Variants in SCAF8 observed in about 807,000 individuals in gnomAD.
SCAF8 encodes the protein SR-related CTD associated factor 8.
In SCAF8, 23 loss-of-function variants were observed where a neutral mutation model predicts 140.5. The ratio of observed to expected loss-of-function variants is 0.16; its 90% confidence interval spans 0.12 to 0.23. The LOEUF is 0.23. Ranked by LOEUF, SCAF8 falls within the 10% of genes least tolerant of loss-of-function variation. SCAF8 has a pLI of 1.00. For missense variants in SCAF8, 1,397 were observed against 1,555.7 expected (o/e 0.90, Z 1.72); for synonymous variants, 575 against 528.9 (o/e 1.09, Z -1.20).
chr6:154,802,164 CG>C lies in SCAF8; in HGVS notation c.783+19del. On this transcript the variant is annotated intron_variant, in intron 7 of 19. Transcript: ENST00000367178. ...TTTAACAAGGTAGAAATTAAAATAT[CG>C]GATCAAGTCTATATGAATTATTAAA... is the stretch of plus-strand genomic sequence containing the variant. 1 of 1,500,228 alleles carries C rather than the reference CG, an allele frequency of 6.7e-7. No individual in the cohort carries two copies. The highest frequency in any genetic ancestry group is 9.0e-7 in the Non-Finnish European group (1 of 1,106,424). The allele number at this position is 1,500,228 out of a possible 1,614,324, so 92.9% of individuals were successfully genotyped here. A position where few individuals can be genotyped will look rare whatever the true frequency, so the allele number is the denominator to read the frequency against.
At chr6:154,831,461 A>G (rs900929571) in intron 19 of SCAF8, among the ~76,000 whole-genome samples, 46 of 152,080 alleles carry the variant, frequency 3.0e-4, no homozygotes, top group African/African-American at 1.1e-3. Context: ...AAAATGAACA[A>G]GTATTGGGTG....
chr6:154,750,095 A>C (rs1778801873), intron 1 of SCAF8, among the ~76,000 whole-genome samples: 2 of 146,390 alleles, frequency 1.4e-5, no homozygotes, highest in African/African-American at 5.0e-5. Flanking sequence ...AAGAAGATTG[A>C]GGAGAATGAT....
chr6:154,754,151 A>G (rs889499928), intron 1 of SCAF8, among the ~76,000 whole-genome samples: 2 of 152,228 alleles, frequency 1.3e-5, no homozygotes, highest in Non-Finnish European at 2.9e-5. Context: ...CTTAAGCCCT[A>G]TTGAAGACTT....
At chr6:154,760,501 T>C (rs773092148) in intron 1 of SCAF8, among the ~76,000 whole-genome samples, 3 of 152,130 alleles carry the variant, frequency 2.0e-5, no homozygotes, top group Non-Finnish European at 4.4e-5. Context: ...GTTCTAGATT[T>C]GAAATTCTGA....
At chr6:154,742,527 T>C (rs1355259106) in intron 1 of SCAF8, among the ~76,000 whole-genome samples, 1 of 152,230 alleles carries the variant, frequency 6.6e-6, no homozygotes, top group Non-Finnish European at 1.5e-5. Flanking sequence ...TTCTATAGTT[T>C]GTGATTTCGT....
At chr6:154,770,228 C>G (rs1353991668) in intron 1 of SCAF8, among the ~76,000 whole-genome samples, 1 of 151,902 alleles carries the variant, frequency 6.6e-6, no homozygotes, top group Non-Finnish European at 1.5e-5. Flanking sequence ...CCGAGGCGGG[C>G]AGATGACTTG....
intron 6 of SCAF8, among the ~76,000 whole-genome samples, chr6:154,799,170 G>T (rs1324600487): frequency 6.6e-6 from 1 of 150,710 alleles, no homozygotes; most frequent in Admixed American, 6.6e-5. Flanking sequence ...TAGATACGGG[G>T]TTTCACCTTG....
intron 7 of SCAF8, 28 bp from the exon 8 acceptor site, chr6:154,803,514 AAT>A (rs1562454340): frequency 6.6e-7 from 1 of 1,520,862 alleles, no homozygotes; most frequent in Non-Finnish European, 9.1e-7. Flanking sequence ...AGCACTTTTT[AAT>A]ATGTCTGTTT....
intron 8 of SCAF8, 150 bp from the exon 9 acceptor site, chr6:154,805,219 A>T: frequency 1.8e-6 from 1 of 542,982 alleles, no homozygotes; most frequent in Non-Finnish European, 3.3e-6. Context: ...GTTCTCAAGT[A>T]TTCTACTTTA....
chr6:154,819,880 T>C (rs1778362109), intron 14 of SCAF8, among the ~76,000 whole-genome samples: 2 of 152,002 alleles, frequency 1.3e-5, no homozygotes, highest in South Asian at 2.1e-4. Flanking sequence ...TCCCAGCTGC[T>C]GCAGGGCTAA....
At chr6:154,820,680 C>CT (rs1190127532) in intron 15 of SCAF8, among the ~76,000 whole-genome samples, 1 of 152,004 alleles carries the variant, frequency 6.6e-6, no homozygotes, top group East Asian at 1.9e-4. Context: ...TTTTGAAACA[C>CT]TTTGCAGATT....
At chr6:154,787,378 G>GA (rs1035165335) in intron 3 of SCAF8, among the ~76,000 whole-genome samples, 8 of 151,982 alleles carry the variant, frequency 5.3e-5, no homozygotes, top group East Asian at 1.9e-4. Flanking sequence ...TTATATTTGA[G>GA]AAAAAAAATG....
chr6:154,796,211 G>T (rs1015465345), intron 6 of SCAF8, among the ~76,000 whole-genome samples: 5 of 152,060 alleles, frequency 3.3e-5, no homozygotes, highest in Non-Finnish European at 7.4e-5. Flanking sequence ...TTCGAGATAT[G>T]TATTTTTTAT....
intron 1 of SCAF8, among the ~76,000 whole-genome samples, chr6:154,768,595 CTATGTATGT>C (rs1218135996): frequency 6.6e-6 from 1 of 152,122 alleles, no homozygotes; most frequent in East Asian, 1.9e-4. Flanking sequence ...GTGAATGGCG[CTATGTATGT>C]TTGTAAATGA....
rs764514501 is a variant in SCAF8, at chr6:154,808,129, A to G, written c.1041A>G (p.Ser347=). ...GGTCAGAGCATTCAGCGTCACCATCACAAGGGAGTAGTCAGCAGCATTTTC... is the reference window on the plus strand; with the variant it reads ...GGTCAGAGCATTCAGCGTCACCATCGCAAGGGAGTAGTCAGCAGCATTTTC... ...TFGSEHSASP[S]QGSSQQHFLE... is the part of the protein sequence containing the mutation. The change falls in exon 10 of 20, where the codon TCA becomes TCG. Residue 347 remains serine (S), a synonymous_variant. Coordinates refer to ENST00000367178, the MANE Select transcript of SCAF8 (RefSeq NM_014892.5). 9 of 1,613,866 alleles carry G rather than the reference A, an allele frequency of 5.6e-6. No individual in the cohort carries two copies. The Admixed American group carries it at 8.3e-5, about 15-fold the overall frequency.
Position 154,832,561 on chromosome 6 carries a change from T to C in SCAF8, c.2982T>C (p.Val994=). The change falls in exon 20 of 20, where the codon GTT becomes GTC. Residue 994 remains valine, a synonymous_variant. Transcript: ENST00000367178. ...LAPGRQSVDN[V]TNPEKRIPLG... The stretch of plus-strand genomic sequence containing the variant: ...CTGGAAGACAAAGCGTAGACAATGT[T>C]ACTAACCCAGAAAAAAGGATACCAC... 6.2e-7 allele frequency: 1 copy of C among 1,614,130 alleles called. No homozygotes were observed. Among genetic ancestry groups the C allele is most frequent in the Non-Finnish European group, 8.5e-7 (1 of 1,180,006 alleles).
At chr6:154,815,882 C>T in intron 13 of SCAF8, 66 bp downstream of exon 13, 2 of 882,364 alleles carry the variant, frequency 2.3e-6, no homozygotes, top group Non-Finnish European at 3.6e-6. Context: ...CAAAGAATCA[C>T]TTCTGTTCCT....
chr6:154,763,856 A>G (rs1452646230), intron 1 of SCAF8, among the ~76,000 whole-genome samples: 4 of 152,158 alleles, frequency 2.6e-5, no homozygotes. Context: ...TTCATATACA[A>G]ATTGTTTATG....
intron 1 of SCAF8, among the ~76,000 whole-genome samples, chr6:154,762,765 A>G (rs1013901466): frequency 4.6e-5 from 7 of 152,156 alleles, no homozygotes; most frequent in Admixed American, 3.3e-4. Flanking sequence ...TACCCATATT[A>G]TTTCTGATTA....
Sources: allele counts gnomAD v4.1 joint callset (sites outside exome capture counted in the v4.1 genomes callset), GRCh38; gene constraint gnomAD v4.1.1; transcripts MANE v1.5; gene names NCBI Gene and HGNC (gene_info 2026-07-23, HGNC 2026-07-21).